GRPR: variants seen among roughly 807,000 people sequenced by gnomAD.
GRPR encodes gastrin releasing peptide receptor.
In GRPR, 4 loss-of-function variants were observed where a neutral mutation model predicts 15.6. The observed-to-expected ratio is 0.26, with a 90% CI of 0.13 to 0.59. The LOEUF is 0.59. Ranked by LOEUF, GRPR falls within the 20% of genes least tolerant of loss-of-function variation. GRPR has a pLI of 0.90. For synonymous variants in GRPR, 128 were observed against 126.8 expected (o/e 1.01, Z -0.06); for missense variants, 270 against 304.1 (o/e 0.89, Z 0.83).
At chrX:16,139,412 G>A (rs1039897297) in intron 1 of GRPR, among the ~76,000 whole-genome samples, 1 of 110,970 alleles carries the variant, frequency 9.0e-6, no homozygotes, top group Non-Finnish European at 1.9e-5. Context: ...CTTTGAATAC[G>A]GCCCAACACA....
At chrX:16,145,656 G>A (rs1189244243) in intron 1 of GRPR, among the ~76,000 whole-genome samples, 1 of 112,005 alleles carries the variant, frequency 8.9e-6, no homozygotes, top group Non-Finnish European at 1.9e-5. Context: ...GAGTATAATT[G>A]GATTGCTTTT....
intron 1 of GRPR, among the ~76,000 whole-genome samples, chrX:16,146,584 C>T (rs919896712): frequency 4.5e-5 from 5 of 111,886 alleles, no homozygotes; most frequent in Non-Finnish European, 7.5e-5. Context: ...AAGAGAATCT[C>T]TTTAGTAGCT....
chrX:16,124,389 A>C, intron 1 of GRPR, 23 bp downstream of exon 1: 1 of 1,182,679 alleles, frequency 8.5e-7, no homozygotes, highest in Non-Finnish European at 1.1e-6. Context: ...TGAAAGTTAC[A>C]TGCTCTCCAA....
At chrX:16,140,844 A>G (rs1922520427) in intron 1 of GRPR, among the ~76,000 whole-genome samples, 1 of 111,572 alleles carries the variant, frequency 9.0e-6, no homozygotes, top group African/African-American at 3.3e-5. Context: ...ACAATTTACA[A>G]AGGCAATTTA....
At chrX:16,143,565 T>C (rs1382175031) in intron 1 of GRPR, among the ~76,000 whole-genome samples, 1 of 112,563 alleles carries the variant, frequency 8.9e-6, no homozygotes, top group African/African-American at 3.2e-5. Context: ...TTCGTTCCTA[T>C]TGGAGGAATA....
intron 1 of GRPR, among the ~76,000 whole-genome samples, chrX:16,132,736 C>T (rs1447603946): frequency 2.7e-5 from 3 of 111,834 alleles, no homozygotes; most frequent in Non-Finnish European, 3.8e-5. Flanking sequence ...TTAGGATTAA[C>T]ATCAAACTTG....
intron 1 of GRPR, among the ~76,000 whole-genome samples, chrX:16,126,319 G>T (rs766901747): frequency 1.8e-4 from 20 of 112,056 alleles, no homozygotes; most frequent in African/African-American, 6.2e-4. Context: ...CCAATAGAAA[G>T]AATAGGTATT....
intron 1 of GRPR, among the ~76,000 whole-genome samples, chrX:16,127,210 C>G (rs1303207083): frequency 1.8e-5 from 2 of 111,633 alleles, no homozygotes; most frequent in Non-Finnish European, 3.8e-5. Context: ...GCCCCCTATA[C>G]ATTGCCCAGC....
chrX:16,129,500 A>G (rs1193753794), intron 1 of GRPR, among the ~76,000 whole-genome samples: 7 of 111,605 alleles, frequency 6.3e-5, no homozygotes, highest in Non-Finnish European at 1.3e-4. Flanking sequence ...TTTAGAAAAG[A>G]GTTTGCTATA....
At chrX:16,139,681 A>G (rs1423116822) in intron 1 of GRPR, among the ~76,000 whole-genome samples, 2 of 111,856 alleles carry the variant, frequency 1.8e-5, no homozygotes, top group Admixed American at 9.5e-5. Context: ...GATGAAGAAA[A>G]TGGAGGCATC....
chrX:16,144,761 G>C (rs1922580816), intron 1 of GRPR, among the ~76,000 whole-genome samples: 1 of 111,740 alleles, frequency 8.9e-6, no homozygotes, highest in African/African-American at 3.3e-5. Context: ...TATTGTCAGA[G>C]GACCAAATTT....
At chrX:16,136,379 A>G (rs947180124) in intron 1 of GRPR, among the ~76,000 whole-genome samples, 8 of 111,530 alleles carry the variant, frequency 7.2e-5, no homozygotes, top group South Asian at 3.8e-4. Context: ...TCCTAGATGT[A>G]TCTTGCTTCC....
chrX:16,151,365 T>C (rs918388646), intron 2 of GRPR, among the ~76,000 whole-genome samples: 18 of 112,084 alleles, frequency 1.6e-4, no homozygotes, highest in African/African-American at 5.5e-4. Flanking sequence ...CTTCCTCCTC[T>C]TTGTCAGTGC....
intron 1 of GRPR, among the ~76,000 whole-genome samples, chrX:16,143,094 G>A (rs964387683): frequency 2.0e-4 from 22 of 110,689 alleles, no homozygotes; most frequent in Non-Finnish European, 4.0e-4. Flanking sequence ...TCTGACAGCA[G>A]AAAAGTTGGG....
In GRPR at chrX:16,124,087, C is replaced by A. The variant is rs1329070166; in HGVS notation, c.134C>A (p.Ala45Glu). Residue 45 changes from alanine to glutamate, a missense_variant, in exon 1 of 3, where the codon GCA becomes GAA. Ala to Glu is a moderately radical substitution (Grantham distance 107). Around this residue, in one of 3 missense-constraint regions of GRPR, gnomAD observed 115 missense variants for 128.8 expected, o/e 0.89. Coordinates refer to ENST00000380289, the MANE Select transcript of GRPR (RefSeq NM_005314.3). ...SHPGILYVIP[A>E]VYGVIILIGL... is the part of the protein sequence containing the mutation. ...CCGGGGATCCTCTATGTCATCCCTG[C>A]AGTTTATGGGGTTATCATTCTGATA... The A allele has an allele frequency of 8.3e-7, 1 of 1,208,970 alleles. No homozygotes were observed. The highest frequency in any genetic ancestry group is 1.8e-5 in the South Asian group (1 of 56,903).
In GRPR at chrX:16,152,270, G is replaced by A; in HGVS notation, c.780G>A (p.Lys260=). ...IHVKKQIESR[K]RLAKTVLVFV... ...TCTCTCCTTAGATTGAATCCCGGAA[G>A]CGACTTGCCAAGACAGTGCTGGTGT... The change falls in exon 3 of 3, where the codon AAG becomes AAA. Residue 260 remains lysine (K), a synonymous_variant. Transcript: ENST00000380289. The A allele has an allele frequency of 7.4e-6, 9 of 1,208,432 alleles. No homozygotes were observed. The highest frequency in any genetic ancestry group is 1.0e-5 in the Non-Finnish European group (9 of 892,706).
intron 1 of GRPR, among the ~76,000 whole-genome samples, chrX:16,140,178 T>C (rs1304669787): frequency 1.8e-5 from 2 of 111,512 alleles, no homozygotes; most frequent in African/African-American, 6.5e-5. Flanking sequence ...CATTTCACCA[T>C]TTATAAAACC....
At chrX:16,128,037 A>C (rs1219688206) in intron 1 of GRPR, among the ~76,000 whole-genome samples, 1 of 112,254 alleles carries the variant, frequency 8.9e-6, no homozygotes, top group Non-Finnish European at 1.9e-5. Flanking sequence ...ATTATTAAGA[A>C]TGTTGAAGGC....
At chrX:16,146,592 G>C (rs143732561) in intron 1 of GRPR, among the ~76,000 whole-genome samples, 19 of 111,593 alleles carry the variant, frequency 1.7e-4, no homozygotes, top group African/African-American at 6.2e-4. Flanking sequence ...CTCTTTAGTA[G>C]CTAGCCAGGC....
Sources: gnomAD v4.1 joint callset for allele counts (sites outside exome capture counted in the v4.1 genomes callset) on GRCh38, gnomAD v4.1.1 for gene constraint, gnomAD v4.1.1 regional missense constraint, MANE v1.5 for transcripts, NCBI Gene and HGNC (gene_info 2026-07-23, HGNC 2026-07-21) for gene names.